The following TBC1D9 variants were observed in gnomAD, a reference collection of about 807,000 sequenced individuals.
TBC1D9 encodes TBC1 domain family member 9, also known as TBC1 domain family member 9A.
Under a neutral mutation model 132.0 loss-of-function variants are expected in TBC1D9, and 63 were observed. That is an observed-to-expected ratio of 0.48 (90% confidence interval 0.39 to 0.59). The LOEUF is 0.59. Ranked by LOEUF, TBC1D9 falls within the 20% of genes least tolerant of loss-of-function variation. The pLI, the probability that TBC1D9 is intolerant of heterozygous loss-of-function variation, is 0.00. For missense variants in TBC1D9, 1,261 were observed against 1,592.7 expected, an observed-to-expected ratio of 0.79 and a Z score of 3.54; for synonymous variants, 610 against 609.9, an observed-to-expected ratio of 1.00 and a Z score of 0.00.
chr4:140,645,480 A>G (rs1737089514), intron 13 of TBC1D9: 1 of 389,612 alleles, frequency 2.6e-6, no homozygotes, highest in South Asian at 1.9e-5. Flanking sequence ...CACTGCTATC[A>G]TCTCCACTTT....
intron 2 of TBC1D9, among the ~76,000 whole-genome samples, chr4:140,687,351 T>TATATATATATATA (rs1737800799): frequency 3.3e-5 from 1 of 30,552 alleles, no homozygotes; most frequent in Non-Finnish European, 5.5e-5. Context: ...GTCATATATA[T>TATATATATATATA]ATATATATAT....
chr4:140,643,781 G>T, intron 13 of TBC1D9: 1 of 927,144 alleles, frequency 1.1e-6, no homozygotes, highest in Non-Finnish European at 1.7e-6. Context: ...GGCACTCAGA[G>T]GGCTCGGTGC....
intron 13 of TBC1D9, chr4:140,643,688 C>T: frequency 8.4e-7 from 1 of 1,186,168 alleles, no homozygotes; most frequent in Non-Finnish European, 1.2e-6. Flanking sequence ...GTGTCAGCTG[C>T]ACCCCCAGGT....
chr4:140,755,780 C>T (rs1311811664), intron 1 of TBC1D9, 136 bp downstream of exon 1: 1 of 1,318,958 alleles, frequency 7.6e-7, no homozygotes, highest in Non-Finnish European at 9.8e-7. Context: ...CTCTCGATGC[C>T]TCGCATACAA....
At position 140,657,090 on chromosome 4, in the gene TBC1D9, G is replaced by T. The variant is rs368582311; in HGVS notation, c.2337+7C>A. ...TAAGCCCTGCTCAGCCAGGAGACAA[G>T]ACCTACCTCGTAGGAAGTTCTGATG... On this transcript the variant is annotated splice_region_variant and intron_variant, in intron 13 of 20. Transcript: ENST00000442267. The T allele has an allele frequency of 6.2e-7, 1 of 1,613,058 alleles. No homozygotes were observed. The highest frequency in any genetic ancestry group is 1.1e-5 in the South Asian group (1 of 90,888).
chr4:140,643,390 C>T, intron 13 of TBC1D9: 1 of 1,165,428 alleles, frequency 8.6e-7, no homozygotes, highest in Non-Finnish European at 1.2e-6. Flanking sequence ...TGGGGCAGCT[C>T]CATGGCCACC....
chr4:140,662,059 A>G lies in TBC1D9; in HGVS notation c.1637T>C (p.Val546Ala). 1 of 1,613,944 alleles carries G rather than the reference A, an allele frequency of 6.2e-7. No homozygotes were observed. Among genetic ancestry groups the G allele is most frequent in the Non-Finnish European group, 8.5e-7 (1 of 1,179,880 alleles). ...ATTATACTTCCCCATGGACTTCTCCACTAGGTCTTCATAGTACCCAGGATG... is the reference window on the plus strand; with the variant it reads ...ATTATACTTCCCCATGGACTTCTCCGCTAGGTCTTCATAGTACCCAGGATG... Reference protein sequence around the residue: ...ATHPGYYEDLVEKSMGKYNLA... With the variant: ...ATHPGYYEDLAEKSMGKYNLA... Residue 546 changes from valine to alanine, a missense_variant, in exon 10 of 21, where the codon GTG becomes GCG. Coordinates refer to ENST00000442267, the MANE Select transcript of TBC1D9 (RefSeq NM_015130.3).
intron 1 of TBC1D9, among the ~76,000 whole-genome samples, chr4:140,754,958 T>C (rs1738986187): frequency 6.6e-6 from 1 of 152,206 alleles, no homozygotes; most frequent in South Asian, 2.1e-4. Context: ...ACAATTTACC[T>C]ATTGTGCAAA....
At position 140,749,624 on chromosome 4, in the gene TBC1D9, A is replaced by T. The variant is rs143108030; in HGVS notation, c.130+6292T>A. On this transcript the variant is annotated intron_variant, in intron 1 of 20. Coordinates refer to ENST00000442267, the MANE Select transcript of TBC1D9 (RefSeq NM_015130.3). ...AATTGGTTTAGGCCAGGAGTTTGAG[A>T]CCAGCCTGGCCAATATAGTGAGACC... Among the ~76,000 whole-genome samples, 1,349 of 152,280 alleles carry T rather than the reference A, an allele frequency of 8.9e-3. 12 individuals carry two copies. Among genetic ancestry groups the T allele is most frequent in the Middle Eastern group, 0.017 (5 of 294 alleles).
chr4:140,653,710 A>T (rs1250434634), intron 13 of TBC1D9, among the ~76,000 whole-genome samples: 2 of 152,210 alleles, frequency 1.3e-5, no homozygotes, highest in Non-Finnish European at 2.9e-5. Context: ...CTGGAAACAT[A>T]AGCAGAGTAG....
chr4:140,675,173 G>A (rs943432131), intron 6 of TBC1D9, among the ~76,000 whole-genome samples: 25 of 152,094 alleles, frequency 1.6e-4, no homozygotes, highest in Admixed American at 3.3e-4. Flanking sequence ...ACAATAGAAT[G>A]TTAACAGTGG....
chr4:140,719,790 G>T (rs1334004681), intron 1 of TBC1D9, among the ~76,000 whole-genome samples: 1 of 152,190 alleles, frequency 6.6e-6, no homozygotes, highest in Non-Finnish European at 1.5e-5. Flanking sequence ...TAATACAGAA[G>T]ATGTTACACG....
At chr4:140,736,682 G>T (rs1738678238) in intron 1 of TBC1D9, among the ~76,000 whole-genome samples, 1 of 152,154 alleles carries the variant, frequency 6.6e-6, no homozygotes, top group Admixed American at 6.6e-5. Flanking sequence ...AGAAAGAGGG[G>T]TTTGCAGTTC....
chr4:140,639,507 C>T (rs1736945961), intron 13 of TBC1D9, 79 bp from the exon 14 acceptor site: 5 of 939,320 alleles, frequency 5.3e-6, no homozygotes, highest in African/African-American at 1.6e-5. Flanking sequence ...GCCTGCAACA[C>T]ACTCTTGACA....
chr4:140,678,206 T>C lies in TBC1D9; in HGVS notation c.851+736A>G, dbSNP rs117271262. 3.9e-4 allele frequency among the ~76,000 whole-genome samples: 60 copies of C among 152,370 alleles called. No homozygotes were observed. The East Asian group carries it at 6.7e-3, about 17-fold the overall frequency. ...ACATCTTAATTACAAAGACCTCTGG[T>C]TAGATTTCAACTACCAAATGCACAT... On this transcript the variant is annotated intron_variant, in intron 5 of 20. Coordinates refer to ENST00000442267, the MANE Select transcript of TBC1D9 (RefSeq NM_015130.3).
chr4:140,662,578 C>A (rs1238396704), intron 9 of TBC1D9, among the ~76,000 whole-genome samples: 1 of 152,192 alleles, frequency 6.6e-6, no homozygotes, highest in Non-Finnish European at 1.5e-5. Context: ...TGCCTGCTAA[C>A]GTGTTAGCTC....
At chr4:140,713,843 T>C (rs547128986) in intron 1 of TBC1D9, among the ~76,000 whole-genome samples, 119 of 152,318 alleles carry the variant, frequency 7.8e-4, no homozygotes, top group African/African-American at 2.6e-3. Context: ...ACAATGTACA[T>C]GTATTATAAT....
At chr4:140,650,369 T>G (rs1001699589) in intron 13 of TBC1D9, among the ~76,000 whole-genome samples, 1 of 152,204 alleles carries the variant, frequency 6.6e-6, no homozygotes, top group Non-Finnish European at 1.5e-5. Flanking sequence ...AATGGTTCCT[T>G]GCCTCAGGTG....
At chr4:140,751,987 A>T (rs1322809461) in intron 1 of TBC1D9, among the ~76,000 whole-genome samples, 1 of 152,206 alleles carries the variant, frequency 6.6e-6, no homozygotes, top group Non-Finnish European at 1.5e-5. Flanking sequence ...GTGGGAGTAT[A>T]TTGGTACAAC....
Sources: allele counts gnomAD v4.1 joint callset (sites outside exome capture counted in the v4.1 genomes callset), GRCh38; gene constraint gnomAD v4.1.1; transcripts MANE v1.5; gene names NCBI Gene and HGNC (gene_info 2026-07-23, HGNC 2026-07-21).